Variants in C1orf146 observed in about 807,000 individuals in gnomAD.
C1orf146 encodes chromosome 1 open reading frame 146.
In C1orf146, 22 loss-of-function variants were observed where a neutral mutation model predicts 23.0. The observed-to-expected ratio is 0.96, with a 90% confidence interval of 0.68 to 1.36. C1orf146 has a LOEUF of 1.36. Ranked by LOEUF, C1orf146 falls within the 40% of genes most tolerant of loss-of-function variation. The probability of loss-of-function intolerance (pLI) is 0.00; values close to 1 mark genes in which losing one functional copy is unlikely to be tolerated. For missense variants in C1orf146, 199 were observed against 206.8 expected, an observed-to-expected ratio of 0.96 and a Z score of 0.23; for synonymous variants, 59 against 65.3, an observed-to-expected ratio of 0.90 and a Z score of 0.47.
chr1:92,229,986 C>T (rs753428228), intron 1 of C1orf146, among the ~76,000 whole-genome samples: 3 of 152,128 alleles, frequency 2.0e-5, no homozygotes, highest in Admixed American at 6.5e-5. Context: ...TCACCTCATA[C>T]GTATACTATA....
chr1:92,239,204 G>T (rs6679259), intron 2 of C1orf146, among the ~76,000 whole-genome samples: 8,129 of 152,278 alleles, frequency 0.053, 586 homozygotes, highest in African/African-American at 0.17. Flanking sequence ...GTATTTGATA[G>T]ATTCACTACA....
intron 2 of C1orf146, among the ~76,000 whole-genome samples, chr1:92,232,111 A>G (rs1199234709): frequency 1.3e-5 from 2 of 151,332 alleles, no homozygotes; most frequent in African/African-American, 2.4e-5. Context: ...TAAATTATAT[A>G]TATTTTTATT....
At chr1:92,234,473 G>A (rs547514843) in intron 2 of C1orf146, among the ~76,000 whole-genome samples, 2,520 of 152,254 alleles carry the variant, frequency 0.017, 50 homozygotes, top group African/African-American at 0.056. Flanking sequence ...ACTTGATCAT[G>A]GTGGATAAGC....
chr1:92,221,512 T>C (rs1241598638), intron 1 of C1orf146, among the ~76,000 whole-genome samples: 1 of 152,208 alleles, frequency 6.6e-6, no homozygotes, highest in African/African-American at 2.4e-5. Flanking sequence ...AAGAAATTTT[T>C]ACCACTGAAA....
intron 1 of C1orf146, among the ~76,000 whole-genome samples, chr1:92,220,579 A>C (rs1651796124): frequency 6.6e-6 from 1 of 152,208 alleles, no homozygotes. Context: ...AAATGTAAAA[A>C]AAGTAAAAAT....
At chr1:92,243,349 CTT>C (rs1268188118) in intron 3 of C1orf146, among the ~76,000 whole-genome samples, 1 of 151,826 alleles carries the variant, frequency 6.6e-6, no homozygotes, top group African/African-American at 2.4e-5. Context: ...TTATATAATT[CTT>C]TTTTTTATTT....
At chr1:92,220,737 G>A (rs536925323) in intron 1 of C1orf146, among the ~76,000 whole-genome samples, 50 of 152,202 alleles carry the variant, frequency 3.3e-4, no homozygotes, top group South Asian at 2.7e-3. Context: ...TACTGTGACC[G>A]CCAATTCTAA....
chr1:92,226,030 G>A (rs1460222620), intron 1 of C1orf146, among the ~76,000 whole-genome samples: 2 of 152,068 alleles, frequency 1.3e-5, no homozygotes, highest in Non-Finnish European at 2.9e-5. Flanking sequence ...TGAGATATAA[G>A]TCATGTGACA....
chr1:92,234,345 C>G (rs797019886), intron 2 of C1orf146, among the ~76,000 whole-genome samples: 1 of 142,458 alleles, frequency 7.0e-6, no homozygotes, highest in East Asian at 2.1e-4. Flanking sequence ...TGTCAAAGAC[C>G]TTTTCTGCAT....
Position 92,245,718 on chromosome 1 carries a change from G to T in C1orf146, c.*44G>T. On this transcript the variant is annotated 3_prime_UTR_variant, in exon 6 of 6. Coordinates refer to ENST00000370375, the MANE Select transcript of C1orf146 (RefSeq NM_001012425.2). ...TTCTCGAAGAATGTGAAAATAATTA[G>T]ACCTGTTAAATTATAATATTCAAAT... 7.9e-7 allele frequency: 1 copy of T among 1,266,288 alleles called. No homozygotes were observed. The highest frequency in any genetic ancestry group is 1.5e-5 in the South Asian group (1 of 67,616). The allele number at this position is 1,266,288 out of a possible 1,614,324, so 78.4% of individuals were successfully genotyped here.
At position 92,242,165 on chromosome 1, in the gene C1orf146, A is replaced by G. The variant is rs370707912; in HGVS notation, c.67-47A>G. On this transcript the variant is annotated intron_variant, in intron 2 of 5. Coordinates refer to ENST00000370375, the MANE Select transcript of C1orf146 (RefSeq NM_001012425.2). Reference sequence around the variant, plus strand: ...TAATTTTTTCTTTAGCTTTAATACAATTGTAAGCATGCCTTAAATTTGTAT... The same window carrying G: ...TAATTTTTTCTTTAGCTTTAATACAGTTGTAAGCATGCCTTAAATTTGTAT... The G allele has an allele frequency of 2.8e-5, 31 of 1,089,416 alleles. No individual in the cohort carries two copies. The African/African-American group carries it at 3.8e-4, about 13-fold the overall frequency. 67.5% of individuals were successfully genotyped at this position (1,089,416 alleles called of 1,614,324 possible). A position where few individuals can be genotyped will look rare whatever the true frequency, so the allele number is the denominator to read the frequency against.
At chr1:92,222,097 C>T (rs1651831507) in intron 1 of C1orf146, among the ~76,000 whole-genome samples, 1 of 151,986 alleles carries the variant, frequency 6.6e-6, no homozygotes, top group African/African-American at 2.4e-5. Flanking sequence ...AAAAATCAGC[C>T]AGGCGTGGTG....
intron 1 of C1orf146, among the ~76,000 whole-genome samples, chr1:92,229,651 A>G (rs1652061593): frequency 6.6e-6 from 1 of 152,188 alleles, no homozygotes; most frequent in Non-Finnish European, 1.5e-5. Flanking sequence ...AAACCTACTA[A>G]CCATAAATGA....
chr1:92,244,338 C>T lies in C1orf146; in HGVS notation c.282C>T (p.Ala94=), dbSNP rs368712519. The T allele has an allele frequency of 4.3e-6, 7 of 1,612,742 alleles. 1 individual carries two copies. The highest frequency in any genetic ancestry group is 2.2e-5 in the South Asian group (2 of 90,772). ...HQNSFLVLSA[A]LHGPEEWKLM... is the part of the protein sequence containing the mutation. The stretch of plus-strand genomic sequence containing the variant: ...ATAGTTTTTTGGTTTTGTCTGCTGC[C>T]CTCCATGGGCCTGAAGAATGGAAAC... The change falls in exon 4 of 6, where the codon GCC becomes GCT. Residue 94 remains alanine (A), a synonymous_variant. Transcript: ENST00000370375.
intron 2 of C1orf146, among the ~76,000 whole-genome samples, chr1:92,234,981 G>A (rs1197433800): frequency 6.6e-6 from 1 of 152,092 alleles, no homozygotes; most frequent in Non-Finnish European, 1.5e-5. Context: ...TTTTTATTGT[G>A]TCTATTTGAT....
chr1:92,219,518 T>TTTTC (rs1331168617), intron 1 of C1orf146, among the ~76,000 whole-genome samples: 2 of 142,884 alleles, frequency 1.4e-5, no homozygotes, highest in African/African-American at 2.7e-5. Flanking sequence ...TTTTTTTTTT[T>TTTTC]TTTAAGACAG....
chr1:92,245,505 T>G, intron 5 of C1orf146, 35 bp from the exon 6 acceptor site: 1 of 1,523,174 alleles, frequency 6.6e-7, no homozygotes, highest in Non-Finnish European at 8.9e-7. Flanking sequence ...ACCTTATTTC[T>G]GTAAATAATG....
At chr1:92,242,022 T>C (rs1652442631) in intron 2 of C1orf146, among the ~76,000 whole-genome samples, 190 bp from the exon 3 acceptor site, 1 of 152,236 alleles carries the variant, frequency 6.6e-6, no homozygotes, top group East Asian at 1.9e-4. Context: ...AAATAAATGT[T>C]TCAGTAGAAC....
intron 4 of C1orf146, 49 bp downstream of exon 4, chr1:92,244,434 T>G: frequency 7.2e-7 from 1 of 1,392,648 alleles, no homozygotes; most frequent in African/African-American, 1.5e-5. Flanking sequence ...TTGTATTTAT[T>G]TCAGTTCTTA....
Sources: gnomAD v4.1 joint callset for allele counts (sites outside exome capture counted in the v4.1 genomes callset) on GRCh38, gnomAD v4.1.1 for gene constraint, MANE v1.5 for transcripts, NCBI Gene and HGNC (gene_info 2026-07-23, HGNC 2026-07-21) for gene names.